Variants in ZRANB3 observed in about 807,000 individuals in gnomAD.
ZRANB3 encodes zinc finger RANBP2-type containing 3, also known as DNA annealing helicase and endonuclease ZRANB3.
In ZRANB3, 125 loss-of-function variants were observed where a neutral mutation model predicts 133.8. That is an observed-to-expected ratio of 0.93 (90% CI 0.81 to 1.08). The LOEUF (loss-of-function observed/expected upper bound fraction) is 1.08. ZRANB3 is among the 50% of genes least tolerant of loss of function. The pLI is 0.00. For missense variants in ZRANB3, 1,229 were observed against 1,275.5 expected, an observed-to-expected ratio of 0.96 and a Z score of 0.56; for synonymous variants, 387 against 432.7, an observed-to-expected ratio of 0.89 and a Z score of 1.31.
At chr2:135,200,567 T>A in intron 20 of ZRANB3, 127 bp from the exon 21 acceptor site, 1 of 743,890 alleles carries the variant, frequency 1.3e-6, no homozygotes, top group East Asian at 2.7e-5. Context: ...AGTGGTTGGC[T>A]ATGGAAGAGT....
chr2:135,287,884 G>C (rs750845739), intron 8 of ZRANB3, among the ~76,000 whole-genome samples: 5 of 151,976 alleles, frequency 3.3e-5, no homozygotes, highest in Non-Finnish European at 5.9e-5. Flanking sequence ...GGCAAACCAT[G>C]ACAGTTTGAC....
Position 135,345,555 on chromosome 2 carries a change from G to T in ZRANB3, c.672C>A (p.His224Gln). 6.2e-7 allele frequency: 1 copy of T among 1,607,854 alleles called. No homozygotes were observed. Among genetic ancestry groups the T allele is most frequent in the African/African-American group, 1.3e-5 (1 of 74,868 alleles). ...TDYAKRYCNA[H>Q]IRYFGKRPQW... The stretch of plus-strand genomic sequence containing the variant: ...CGGAAAATAGTTTAACTTACCTGAT[G>T]TGTGCATTACAGTATCTTTTTGCAT... Residue 224 changes from histidine (H) to glutamine (Q), a missense_variant, in exon 6 of 21, where the codon CAC (histidine) becomes CAA (glutamine). Coordinates refer to ENST00000264159, the MANE Select transcript of ZRANB3 (RefSeq NM_032143.4).
chr2:135,475,816 A>G (rs1691476500), intron 2 of ZRANB3, among the ~76,000 whole-genome samples: 1 of 152,166 alleles, frequency 6.6e-6, no homozygotes, highest in African/African-American at 2.4e-5. Context: ...AGTGGCTCAC[A>G]CCTGTAATCC....
chr2:135,221,276 A>G (rs927980173), intron 15 of ZRANB3, among the ~76,000 whole-genome samples: 1 of 152,160 alleles, frequency 6.6e-6, no homozygotes, highest in African/African-American at 2.4e-5. Flanking sequence ...TATTTGGGTG[A>G]TAACATTTTA....
intron 2 of ZRANB3, among the ~76,000 whole-genome samples, chr2:135,403,525 G>GAC (rs1687847425): frequency 6.6e-6 from 1 of 152,192 alleles, no homozygotes; most frequent in African/African-American, 2.4e-5. Context: ...CCACCTCCGG[G>GAC]GCAGGGCATT....
chr2:135,354,832 T>C (rs1387974120), intron 3 of ZRANB3, among the ~76,000 whole-genome samples: 1 of 152,174 alleles, frequency 6.6e-6, no homozygotes, highest in African/African-American at 2.4e-5. Context: ...ACCTTGATGT[T>C]AGTGGCTGTT....
chr2:135,432,426 T>C (rs1689363153), intron 2 of ZRANB3, among the ~76,000 whole-genome samples: 1 of 152,216 alleles, frequency 6.6e-6, no homozygotes, highest in South Asian at 2.1e-4. Context: ...GCTTTTTGTG[T>C]TCTAAAATTT....
intron 10 of ZRANB3, chr2:135,271,426 T>G (rs754901007): frequency 6.3e-6 from 3 of 478,662 alleles, no homozygotes; most frequent in South Asian, 4.7e-5. Flanking sequence ...AAGTGAAGGG[T>G]TGGATATAAG....
At chr2:135,363,595 T>C (rs1458169898) in intron 3 of ZRANB3, among the ~76,000 whole-genome samples, 1 of 152,098 alleles carries the variant, frequency 6.6e-6, no homozygotes, top group Non-Finnish European at 1.5e-5. Context: ...TTTCTTAAAA[T>C]TGAGAGCCCA....
At chr2:135,386,763 G>A (rs1352674739) in intron 3 of ZRANB3, among the ~76,000 whole-genome samples, 1 of 152,054 alleles carries the variant, frequency 6.6e-6, no homozygotes, top group Non-Finnish European at 1.5e-5. Context: ...AACACCGCAT[G>A]TTCTCACTCT....
At chr2:135,312,730 T>C (rs1269301340) in intron 8 of ZRANB3, among the ~76,000 whole-genome samples, 1 of 152,000 alleles carries the variant, frequency 6.6e-6, no homozygotes, top group Non-Finnish European at 1.5e-5. Context: ...TAAAGATGAA[T>C]ATAGTTCGGG....
Position 135,200,189 on chromosome 2 carries a change from T to G in ZRANB3, c.*153A>C, listed in dbSNP as rs1693561434. The G allele has an allele frequency of 1.5e-6, 1 of 685,816 alleles. No individual in the cohort carries two copies. Among genetic ancestry groups the G allele is most frequent in the African/African-American group, 1.8e-5 (1 of 55,612 alleles). 42.5% of individuals were successfully genotyped at this position (685,816 alleles called of 1,614,324 possible). On this transcript the variant is annotated 3_prime_UTR_variant, in exon 21 of 21. Coordinates refer to ENST00000264159, the MANE Select transcript of ZRANB3 (RefSeq NM_032143.4). ...CTGTTAAGTACTTTCAAAATGTATT[T>G]AATACTAAAAGTAATTAGTAGAAGA... is the stretch of plus-strand genomic sequence containing the variant.
intron 2 of ZRANB3, among the ~76,000 whole-genome samples, chr2:135,406,053 A>G (rs1688007624): frequency 6.6e-6 from 1 of 152,180 alleles, no homozygotes; most frequent in Non-Finnish European, 1.5e-5. Flanking sequence ...TGAGAAGAAC[A>G]ACAAAATTGA....
At chr2:135,442,666 T>C (rs1295687295) in intron 2 of ZRANB3, among the ~76,000 whole-genome samples, 2 of 152,168 alleles carry the variant, frequency 1.3e-5, no homozygotes, top group Non-Finnish European at 2.9e-5. Flanking sequence ...GAACTAGAAA[T>C]ACCATTTGAC....
chr2:135,229,645 G>A (rs1261834241), intron 13 of ZRANB3, among the ~76,000 whole-genome samples: 1 of 152,092 alleles, frequency 6.6e-6, no homozygotes, highest in Non-Finnish European at 1.5e-5. Context: ...GGGATTACAG[G>A]CGTGAGCCAC....
At chr2:135,374,712 G>C (rs1054049239) in intron 3 of ZRANB3, among the ~76,000 whole-genome samples, 2 of 151,996 alleles carry the variant, frequency 1.3e-5, no homozygotes, top group Admixed American at 1.3e-4. Context: ...ATGTTGGCCA[G>C]GCTGGTCTCA....
chr2:135,477,006 C>T (rs545280195), intron 2 of ZRANB3, among the ~76,000 whole-genome samples: 57 of 152,266 alleles, frequency 3.7e-4, no homozygotes, highest in Non-Finnish European at 7.2e-4. Flanking sequence ...CAGACATAAG[C>T]GACCATGCCT....
intron 2 of ZRANB3, among the ~76,000 whole-genome samples, chr2:135,432,178 A>C: frequency 6.6e-6 from 1 of 152,164 alleles, no homozygotes; most frequent in East Asian, 1.9e-4. Flanking sequence ...TGAACCCAGG[A>C]GGCGGAGGCT....
chr2:135,325,555 C>T (rs1368766473), intron 6 of ZRANB3, among the ~76,000 whole-genome samples: 1 of 152,044 alleles, frequency 6.6e-6, no homozygotes, highest in Non-Finnish European at 1.5e-5. Flanking sequence ...CCATGCCTGG[C>T]TAATTTTGTT....
Sources: gnomAD v4.1 joint callset for allele counts (sites outside exome capture counted in the v4.1 genomes callset) on GRCh38, gnomAD v4.1.1 for gene constraint, MANE v1.5 for transcripts, NCBI Gene and HGNC (gene_info 2026-07-23, HGNC 2026-07-21) for gene names.